Variants in RTTN observed in about 807,000 individuals in gnomAD.
RTTN encodes rotatin.
RTTN carries 182 observed loss-of-function variants against 269.2 expected under a neutral mutation model. The observed-to-expected ratio is 0.68, with a 90% confidence interval of 0.60 to 0.76. The LOEUF is 0.76. Ranked by LOEUF, RTTN falls within the 30% of genes least tolerant of loss-of-function variation. The probability of loss-of-function intolerance (pLI) is 0.00; values close to 1 mark genes in which losing one functional copy is unlikely to be tolerated. For synonymous variants in RTTN, 1,006 were observed against 963.5 expected (o/e 1.04, Z -0.82); for missense variants, 2,545 against 2,608.6 (o/e 0.98, Z 0.53).
chr18:70,110,204 C>T (rs2059425839), intron 27 of RTTN, among the ~76,000 whole-genome samples: 1 of 149,846 alleles, frequency 6.7e-6, no homozygotes, highest in Non-Finnish European at 1.5e-5. Context: ...GCACTCCAGC[C>T]GGGGTGACAT....
intron 37 of RTTN, among the ~76,000 whole-genome samples, chr18:70,056,476 T>C (rs1459625710): frequency 1.3e-5 from 2 of 152,240 alleles, no homozygotes; most frequent in South Asian, 2.1e-4. Flanking sequence ...TGTTTGCTAC[T>C]GCTATTATTC....
chr18:70,059,977 G>A lies in RTTN; in HGVS notation c.4813C>T (p.Leu1605=), dbSNP rs1272308515. Residue 1605 remains leucine (L), a synonymous_variant, in exon 36 of 49, where the codon CTG becomes TTG. Transcript: ENST00000640769. ...AGAGATGGAGTAACAAAAACACACA[G>A]TTTGGGCAGGGGAGCAGAAAGAGAT... ...DSSLSAPLPK[L]CVFVTPSLLS... The A allele has an allele frequency of 1.2e-6, 2 of 1,613,908 alleles. No homozygotes were observed. Among genetic ancestry groups the A allele is most frequent in the Non-Finnish European group, 1.7e-6 (2 of 1,179,938 alleles).
chr18:70,051,318 T>C (rs2057660216), intron 39 of RTTN, 93 bp downstream of exon 39: 3 of 1,390,026 alleles, frequency 2.2e-6, no homozygotes, highest in East Asian at 4.9e-5. Context: ...CTATAATTAC[T>C]TAACTTTAGT....
intron 28 of RTTN, among the ~76,000 whole-genome samples, chr18:70,107,760 A>T (rs2059358947): frequency 6.6e-6 from 1 of 152,256 alleles, no homozygotes. Context: ...TATTAGAAAG[A>T]TAAACCAAGA....
chr18:70,190,247 G>T (rs1358556230), intron 9 of RTTN, among the ~76,000 whole-genome samples: 2 of 149,494 alleles, frequency 1.3e-5, no homozygotes, highest in Non-Finnish European at 3.0e-5. Flanking sequence ...ATAGATGACA[G>T]CAAGAATAAA....
chr18:70,185,658 C>T (rs918368936), intron 10 of RTTN, among the ~76,000 whole-genome samples: 1 of 151,930 alleles, frequency 6.6e-6, no homozygotes, highest in Non-Finnish European at 1.5e-5. Context: ...TAAAGGTATC[C>T]AGAGTGAATA....
chr18:70,156,690 A>G (rs181867042), intron 14 of RTTN, among the ~76,000 whole-genome samples: 6 of 152,262 alleles, frequency 3.9e-5, no homozygotes, highest in Admixed American at 3.9e-4. Context: ...CCCAGCTTTA[A>G]AATTTCCCTC....
chr18:70,111,011 T>C (rs1224243757), intron 27 of RTTN, among the ~76,000 whole-genome samples: 1 of 152,238 alleles, frequency 6.6e-6, no homozygotes, highest in Non-Finnish European at 1.5e-5. Flanking sequence ...ATTGCCAGAT[T>C]TCCCTTGTCT....
chr18:70,072,727 T>C (rs993665724), intron 34 of RTTN, among the ~76,000 whole-genome samples: 2 of 152,128 alleles, frequency 1.3e-5, no homozygotes, highest in Non-Finnish European at 2.9e-5. Flanking sequence ...TTTTGACAAA[T>C]AGGCTAACAA....
intron 32 of RTTN, among the ~76,000 whole-genome samples, chr18:70,082,870 T>A (rs1367800763): frequency 1.3e-5 from 2 of 151,770 alleles, no homozygotes; most frequent in Non-Finnish European, 2.9e-5. Context: ...TTTTAAAATT[T>A]TTTTTAGAGA....
intron 10 of RTTN, 43 bp from the exon 11 acceptor site, chr18:70,176,888 T>A: frequency 1.3e-6 from 2 of 1,511,874 alleles, no homozygotes; most frequent in Non-Finnish European, 1.8e-6. Flanking sequence ...AAACAACCAA[T>A]TTTAGGGGCC....
At chr18:70,033,069 T>C (rs1290921543) in intron 40 of RTTN, among the ~76,000 whole-genome samples, 2 of 152,220 alleles carry the variant, frequency 1.3e-5, no homozygotes, top group Non-Finnish European at 2.9e-5. Context: ...TCATGAATGG[T>C]TTAGCACCGT....
intron 21 of RTTN, chr18:70,138,624 C>G (rs2060181325): frequency 6.6e-6 from 1 of 152,102 alleles, no homozygotes; most frequent in Non-Finnish European, 1.5e-5. Context: ...GATGATCAGT[C>G]TATACAATCT....
At chr18:70,025,782 C>T (rs1203331216) in intron 43 of RTTN, among the ~76,000 whole-genome samples, 1 of 152,204 alleles carries the variant, frequency 6.6e-6, no homozygotes. Context: ...GTATTTTCAT[C>T]CATTCATCCT....
chr18:70,184,257 T>C (rs1450089885), intron 10 of RTTN, among the ~76,000 whole-genome samples: 1 of 152,052 alleles, frequency 6.6e-6, no homozygotes, highest in Non-Finnish European at 1.5e-5. Context: ...AGAGACAAAT[T>C]AAAGAGCTAA....
chr18:70,167,488 G>A (rs891591837), intron 12 of RTTN, among the ~76,000 whole-genome samples: 12 of 152,174 alleles, frequency 7.9e-5, no homozygotes, highest in South Asian at 2.1e-4. Context: ...TCGGGAGGCC[G>A]AGGCGGGCAG....
At chr18:70,095,277 T>C (rs984526843) in intron 28 of RTTN, among the ~76,000 whole-genome samples, 8 of 152,206 alleles carry the variant, frequency 5.3e-5, no homozygotes, top group Non-Finnish European at 8.8e-5. Flanking sequence ...TGTCTTTTAA[T>C]TGGGGCATTT....
intron 37 of RTTN, among the ~76,000 whole-genome samples, chr18:70,055,414 T>C (rs2057790210): frequency 6.6e-6 from 1 of 152,168 alleles, no homozygotes; most frequent in South Asian, 2.1e-4. Flanking sequence ...TTGTGGAGTA[T>C]GTGTCTCTGA....
At chr18:70,176,601 C>A in intron 11 of RTTN, 74 bp downstream of exon 11, 1 of 1,357,376 alleles carries the variant, frequency 7.4e-7, no homozygotes, top group Non-Finnish European at 9.8e-7. Context: ...ATGAAAAGAG[C>A]AGAAGAAATT....
Sources: allele counts gnomAD v4.1 joint callset (sites outside exome capture counted in the v4.1 genomes callset), GRCh38; gene constraint gnomAD v4.1.1; transcripts MANE v1.5; gene names NCBI Gene and HGNC (gene_info 2026-07-23, HGNC 2026-07-21).